Variants in MSRA observed in about 807,000 individuals in gnomAD.
MSRA encodes the protein mitochondrial peptide methionine sulfoxide reductase.
In MSRA, 54 loss-of-function variants were observed where a neutral mutation model predicts 31.3. The observed-to-expected ratio is 1.73, with a 90% CI of 1.39 to 2.17. MSRA has a LOEUF of 2.17. Among genes scored for constraint, MSRA ranks in the 30% most tolerant of loss-of-function variants. The pLI, the probability that MSRA is intolerant of heterozygous loss-of-function variation, is 0.00. For missense variants in MSRA, 507 were observed against 300.9 expected (o/e 1.69, Z -5.07); for synonymous variants, 169 against 116.5 (o/e 1.45, Z -2.90).
intron 4 of MSRA, among the ~76,000 whole-genome samples, chr8:10,309,960 C>T (rs1361182380): frequency 6.6e-6 from 1 of 152,216 alleles, no homozygotes; most frequent in Non-Finnish European, 1.5e-5. Context: ...TACTGGGAAA[C>T]ATTCATTGAA....
intron 1 of MSRA, among the ~76,000 whole-genome samples, chr8:10,122,037 G>T (rs1427761459): frequency 6.6e-6 from 1 of 152,052 alleles, no homozygotes; most frequent in African/African-American, 2.4e-5. Context: ...CATGCTTGTG[G>T]ATCTACAAGA....
intron 1 of MSRA, among the ~76,000 whole-genome samples, chr8:10,171,872 C>T (rs978100147): frequency 2.6e-5 from 4 of 152,188 alleles, no homozygotes; most frequent in African/African-American, 9.7e-5. Context: ...TTTGCCCAAG[C>T]ATTTCTTGTG....
chr8:10,171,886 TG>T (rs2129046652), intron 1 of MSRA, among the ~76,000 whole-genome samples: 1 of 152,356 alleles, frequency 6.6e-6, no homozygotes, highest in Admixed American at 6.5e-5. Flanking sequence ...TCTTGTGTAA[TG>T]TTATAAGCTG....
At position 10,196,393 on chromosome 8, in the gene MSRA, A is replaced by T. The variant is rs147958039; in HGVS notation, c.143-11440A>T. ...GCCTTATGCCTTAATTACATCCACAATACCTGGGGACTCTGTACAACACTG... is the reference window on the plus strand; with the variant it reads ...GCCTTATGCCTTAATTACATCCACATTACCTGGGGACTCTGTACAACACTG... On this transcript the variant is annotated intron_variant, in intron 1 of 5. Transcript: ENST00000317173. 5.9e-5 allele frequency among the ~76,000 whole-genome samples: 9 copies of T among 152,214 alleles called. No individual in the cohort carries two copies. The East Asian group carries it at 1.7e-3, about 29-fold the overall frequency.
At chr8:10,190,680 T>C (rs565181349) in intron 1 of MSRA, among the ~76,000 whole-genome samples, 2 of 152,216 alleles carry the variant, frequency 1.3e-5, no homozygotes, top group African/African-American at 4.8e-5. Context: ...TATTAGACTT[T>C]CCATTAACCT....
intron 5 of MSRA, among the ~76,000 whole-genome samples, chr8:10,345,729 C>T (rs1349503684): frequency 6.6e-6 from 1 of 152,142 alleles, no homozygotes; most frequent in Non-Finnish European, 1.5e-5. Flanking sequence ...GTTTCTGTTT[C>T]TTTTCTGGTG....
chr8:10,088,440 C>T (rs1450409499), intron 1 of MSRA, among the ~76,000 whole-genome samples: 1 of 152,102 alleles, frequency 6.6e-6, no homozygotes, highest in Admixed American at 6.5e-5. Flanking sequence ...AGATGTCTAT[C>T]AAGGGAGGAA....
chr8:10,183,267 G>T (rs914378457), intron 1 of MSRA, among the ~76,000 whole-genome samples: 6 of 152,210 alleles, frequency 3.9e-5, no homozygotes, highest in Non-Finnish European at 8.8e-5. Flanking sequence ...GATAAAGACA[G>T]CTTAGTTAGG....
At chr8:10,212,916 A>G (rs1196567134) in intron 2 of MSRA, among the ~76,000 whole-genome samples, 1 of 152,206 alleles carries the variant, frequency 6.6e-6, no homozygotes, top group South Asian at 2.1e-4. Flanking sequence ...TTGTGGGTAC[A>G]TAGTAGGTAT....
In MSRA at chr8:10,358,565, C is replaced by CTT. The variant is rs59106668; in HGVS notation, c.543+38620_543+38621dup. On this transcript the variant is annotated intron_variant, in intron 5 of 5. Coordinates refer to ENST00000317173, the MANE Select transcript of MSRA (RefSeq NM_012331.5). ...GTCAGATCAGCGGCAGCATTAGATT[C>CTT]TTTTTTTTTTTTTTTTTTTTTTTTT... 1.6e-4 allele frequency among the ~76,000 whole-genome samples: 10 copies of CTT among 64,000 alleles called. 1 individual carries two copies. Among genetic ancestry groups the CTT allele is most frequent in the Admixed American group, 7.0e-4 (3 of 4,280 alleles). The allele number at this position is 64,000 out of a possible 152,430, so 42.0% of individuals were successfully genotyped here.
chr8:10,154,363 G>GT (rs371609717), intron 1 of MSRA, among the ~76,000 whole-genome samples: 4,669 of 149,404 alleles, frequency 0.031, 243 homozygotes, highest in African/African-American at 0.11. Context: ...CACATTTGTG[G>GT]TTTTTTTTTT....
chr8:10,090,027 C>T (rs1320846506), intron 1 of MSRA, among the ~76,000 whole-genome samples: 1 of 152,192 alleles, frequency 6.6e-6, no homozygotes, highest in African/African-American at 2.4e-5. Context: ...ATCCAAACCA[C>T]AGCAGCATGA....
At chr8:10,401,321 G>A (rs1563438698) in intron 5 of MSRA, among the ~76,000 whole-genome samples, 1 of 152,178 alleles carries the variant, frequency 6.6e-6, no homozygotes, top group African/African-American at 2.4e-5. Flanking sequence ...AGAATCATGA[G>A]TCACTGAGGC....
At chr8:10,207,798 C>T (rs1369740389) in intron 1 of MSRA, 35 bp from the exon 2 acceptor site, 6 of 1,578,674 alleles carry the variant, frequency 3.8e-6, no homozygotes, top group Non-Finnish European at 5.2e-6. Context: ...TAGAACTTTA[C>T]ACTTAAACTT....
intron 1 of MSRA, among the ~76,000 whole-genome samples, chr8:10,153,624 T>C (rs1210566694): frequency 6.6e-6 from 1 of 152,164 alleles, no homozygotes; most frequent in African/African-American, 2.4e-5. Context: ...CATTGGTCAT[T>C]TCCCAAAGCG....
At chr8:10,346,356 C>T (rs1023197463) in intron 5 of MSRA, among the ~76,000 whole-genome samples, 2 of 152,202 alleles carry the variant, frequency 1.3e-5, no homozygotes, top group South Asian at 4.1e-4. Context: ...AAGGTCCTCT[C>T]TAACATGGCT....
intron 5 of MSRA, among the ~76,000 whole-genome samples, chr8:10,323,745 C>CGTATGTGTGTGT (rs1802189453): frequency 7.0e-6 from 1 of 142,622 alleles, no homozygotes; most frequent in Admixed American, 7.1e-5. Flanking sequence ...GAATTAAATA[C>CGTATGTGTGTGT]GTGTGTGTGT....
At chr8:10,361,394 T>C (rs760158168) in intron 5 of MSRA, among the ~76,000 whole-genome samples, 12 of 152,218 alleles carry the variant, frequency 7.9e-5, no homozygotes, top group Non-Finnish European at 1.6e-4. Flanking sequence ...CTTAGGGTTC[T>C]AAGTCTTTTC....
intron 5 of MSRA, among the ~76,000 whole-genome samples, chr8:10,352,860 A>G (rs780912002): frequency 3.9e-5 from 6 of 152,084 alleles, no homozygotes; most frequent in Admixed American, 2.0e-4. Context: ...GGCCCTGGCT[A>G]TATTTTTCTT....
Sources: gnomAD v4.1 joint callset for allele counts (sites outside exome capture counted in the v4.1 genomes callset) on GRCh38, gnomAD v4.1.1 for gene constraint, MANE v1.5 for transcripts, NCBI Gene and HGNC (gene_info 2026-07-23, HGNC 2026-07-21) for gene names.